The following SDC2 variants were observed in gnomAD, a reference collection of about 807,000 sequenced individuals.
SDC2 encodes the protein syndecan 2, also known as syndecan-2.
Under a neutral mutation model 22.2 loss-of-function variants are expected in SDC2, and 13 were observed. The observed-to-expected ratio is 0.59, with a 90% CI of 0.38 to 0.93. SDC2 has a LOEUF of 0.93. Among genes scored for constraint, SDC2 ranks in the 40% least tolerant of loss-of-function variants. The probability of loss-of-function intolerance (pLI) is 0.00; values close to 1 mark genes in which losing one functional copy is unlikely to be tolerated. For synonymous variants in SDC2, 94 were observed against 92.8 expected (o/e 1.01, Z -0.07); for missense variants, 235 against 246.8 (o/e 0.95, Z 0.32).
intron 1 of SDC2, among the ~76,000 whole-genome samples, chr8:96,496,544 G>A (rs933969843): frequency 5.3e-5 from 8 of 152,060 alleles, no homozygotes; most frequent in Non-Finnish European, 1.2e-4. Flanking sequence ...TTCAGTCTCC[G>A]TTTGTTTCAT....
At chr8:96,502,596 G>A (rs748180972) in intron 1 of SDC2, among the ~76,000 whole-genome samples, 6 of 152,120 alleles carry the variant, frequency 3.9e-5, no homozygotes, top group Non-Finnish European at 8.8e-5. Flanking sequence ...TTTAACTGGT[G>A]CCTTCCGTTT....
At position 96,609,419 on chromosome 8, in the gene SDC2, T is replaced by C; in HGVS notation, c.477T>C (p.Phe159=). Residue 159 remains phenylalanine (F), a synonymous_variant, in exon 5 of 5, where the codon TTT becomes TTC. Coordinates refer to ENST00000302190, the MANE Select transcript of SDC2 (RefSeq NM_002998.4). The part of the protein sequence containing the change: ...VIAGGVIGFL[F]AIFLILLLVY... ...CTGGTGGAGTTATTGGCTTTCTCTT[T>C]GCAATTTTTCTTATCCTGCTGTTGG... The C allele has an allele frequency of 6.2e-7, 1 of 1,612,916 alleles. No individual in the cohort carries two copies.
At chr8:96,575,998 C>T (rs1814482272) in intron 1 of SDC2, among the ~76,000 whole-genome samples, 1 of 152,130 alleles carries the variant, frequency 6.6e-6, no homozygotes, top group Non-Finnish European at 1.5e-5. Context: ...GAAACCTTTT[C>T]CCTTTAGGGC....
intron 1 of SDC2, among the ~76,000 whole-genome samples, chr8:96,523,307 A>G (rs1813525821): frequency 6.6e-6 from 1 of 152,148 alleles, no homozygotes; most frequent in Admixed American, 6.5e-5. Context: ...TGTACTGTGG[A>G]AGTAGTTCAT....
chr8:96,590,591 G>A (rs1340720873), intron 1 of SDC2, among the ~76,000 whole-genome samples: 2 of 152,136 alleles, frequency 1.3e-5, no homozygotes, highest in African/African-American at 4.8e-5. Flanking sequence ...ACAGAGTGTG[G>A]AGTCTTCATA....
intron 2 of SDC2, among the ~76,000 whole-genome samples, chr8:96,599,013 C>T (rs1311434234): frequency 1.3e-5 from 2 of 148,606 alleles, no homozygotes; most frequent in African/African-American, 5.0e-5. Context: ...GGTATCCCAG[C>T]TCACTGCAAC....
Position 96,608,315 on chromosome 8 carries a change from T to C in SDC2, c.307-20T>C, listed in dbSNP as rs1307767482. ...ACATTTCCTTAAATCAATGTAATCT[T>C]TCCCTGTTTCCCATACCAGTCACCT... is the stretch of plus-strand genomic sequence containing the variant. On this transcript the variant is annotated intron_variant, in intron 3 of 4. Coordinates refer to ENST00000302190, the MANE Select transcript of SDC2 (RefSeq NM_002998.4). 1 of 1,607,104 alleles carries C rather than the reference T, an allele frequency of 6.2e-7. No homozygotes were observed. The highest frequency in any genetic ancestry group is 8.5e-7 in the Non-Finnish European group (1 of 1,177,392).
Position 96,611,781 on chromosome 8 carries a change from T to C in SDC2, c.*2233T>C, listed in dbSNP as rs2130673098. ...GTCATGCCAAAAGTAAATCATTGTA[T>C]AGACTGACATCCAGTTTTCTTCAAC... On this transcript the variant is annotated 3_prime_UTR_variant, in exon 5 of 5. Coordinates refer to ENST00000302190, the MANE Select transcript of SDC2 (RefSeq NM_002998.4). 2.0e-5 allele frequency: 3 copies of C among 152,488 alleles called. No homozygotes were observed. The South Asian group carries it at 6.2e-4, about 32-fold the overall frequency. 9.4% of individuals were successfully genotyped at this position (152,488 alleles called of 1,614,324 possible). A position where few individuals can be genotyped will look rare whatever the true frequency, so the allele number is the denominator to read the frequency against.
intron 1 of SDC2, among the ~76,000 whole-genome samples, chr8:96,518,374 T>C (rs955843658): frequency 6.0e-5 from 9 of 151,222 alleles, no homozygotes; most frequent in Admixed American, 5.3e-4. Flanking sequence ...TTTTTTTTTT[T>C]TTTTGAGACA....
At chr8:96,499,375 T>A (rs61400275) in intron 1 of SDC2, among the ~76,000 whole-genome samples, 20,509 of 152,210 alleles carry the variant, frequency 0.13, 2,043 homozygotes, top group East Asian at 0.52. Context: ...TGGGGGAAAC[T>A]GTATTTTTAT....
chr8:96,532,412 G>A (rs918804847), intron 1 of SDC2, among the ~76,000 whole-genome samples: 1 of 47,944 alleles, frequency 2.1e-5, no homozygotes, highest in Non-Finnish European at 3.4e-5. Context: ...TTATTGAGGC[G>A]TTTTTTTTTT....
Position 96,608,420 on chromosome 8 carries a change from A to G in SDC2, c.392A>G (p.Tyr131Cys), listed in dbSNP as rs952503590. 1 of 1,613,982 alleles carries G rather than the reference A, an allele frequency of 6.2e-7. No homozygotes were observed. Among genetic ancestry groups the G allele is most frequent in the Non-Finnish European group, 8.5e-7 (1 of 1,179,886 alleles). ...CCAGCCGAAGAGGATACAAATGTGT[A>G]TACTGAGAAACACTCAGACAGTCTG... ...MDPAEEDTNV[Y>C]TEKHSDSLFK... Residue 131 changes from tyrosine to cysteine, a missense_variant, in exon 4 of 5, where the codon TAT becomes TGT. Transcript: ENST00000302190.
chr8:96,500,519 G>A (rs35727647), intron 1 of SDC2, among the ~76,000 whole-genome samples: 35,225 of 151,662 alleles, frequency 0.23, 4,183 homozygotes, highest in Non-Finnish European at 0.27. Flanking sequence ...AAAATTAGCC[G>A]GGCGTGGTGA....
intron 1 of SDC2, among the ~76,000 whole-genome samples, chr8:96,535,960 C>T (rs556830552): frequency 6.6e-6 from 1 of 152,058 alleles, no homozygotes; most frequent in Non-Finnish European, 1.5e-5. Context: ...TCATGCAGCT[C>T]AGAGGCATGG....
chr8:96,543,624 G>C (rs1813886712), intron 1 of SDC2, among the ~76,000 whole-genome samples: 2 of 152,088 alleles, frequency 1.3e-5, no homozygotes, highest in Non-Finnish European at 2.9e-5. Context: ...CTAAACATAG[G>C]GTGCTCTAGG....
At chr8:96,543,878 C>G (rs1165409874) in intron 1 of SDC2, among the ~76,000 whole-genome samples, 1 of 152,188 alleles carries the variant, frequency 6.6e-6, no homozygotes, top group African/African-American at 2.4e-5. Flanking sequence ...TATTGCTTTA[C>G]ATTTTGAAAG....
chr8:96,500,679 A>AG (rs1477501009), intron 1 of SDC2, among the ~76,000 whole-genome samples: 1 of 151,854 alleles, frequency 6.6e-6, no homozygotes, highest in Non-Finnish European at 1.5e-5. Flanking sequence ...AAAAAAAAAA[A>AG]AAGAGTGGAA....
At chr8:96,558,508 G>A (rs1182870040) in intron 1 of SDC2, among the ~76,000 whole-genome samples, 1 of 152,134 alleles carries the variant, frequency 6.6e-6, no homozygotes, top group African/African-American at 2.4e-5. Flanking sequence ...ATAACTAAAT[G>A]TCTATACCTA....
chr8:96,540,356 A>AT (rs1259795996), intron 1 of SDC2, among the ~76,000 whole-genome samples: 9,209 of 146,560 alleles, frequency 0.063, 666 homozygotes, highest in East Asian at 0.32. Flanking sequence ...ATATATATAT[A>AT]AAAATTAGTC....
Sources: allele counts gnomAD v4.1 joint callset (sites outside exome capture counted in the v4.1 genomes callset), GRCh38; gene constraint gnomAD v4.1.1; transcripts MANE v1.5; gene names NCBI Gene and HGNC (gene_info 2026-07-23, HGNC 2026-07-21).